CUX2: variants seen among roughly 807,000 people sequenced by gnomAD.
The protein encoded by CUX2 is homeobox protein cut-like 2.
CUX2 carries 40 observed loss-of-function variants against 144.8 expected under a neutral mutation model. The observed-to-expected ratio is 0.28, with a 90% CI of 0.21 to 0.36. The LOEUF (loss-of-function observed/expected upper bound fraction) is 0.36, where lower values mean the gene tolerates loss of function less well. Ranked by LOEUF, CUX2 falls within the 10% of genes least tolerant of loss-of-function variation. The pLI, the probability that CUX2 is intolerant of heterozygous loss-of-function variation, is 1.00. For missense variants in CUX2, 1,615 were observed against 1,994.0 expected, an observed-to-expected ratio of 0.81 and a Z score of 3.62; for synonymous variants, 827 against 875.6, an observed-to-expected ratio of 0.94 and a Z score of 0.98.
chr12:111,255,944 G>T lies in CUX2; in HGVS notation c.223-7817G>T, dbSNP rs1242343203. Among the ~76,000 whole-genome samples the T allele has an allele frequency of 6.6e-6, 1 of 152,004 alleles. No individual in the cohort carries two copies. The highest frequency in any genetic ancestry group is 1.5e-5 in the Non-Finnish European group (1 of 68,006). On this transcript the variant is annotated intron_variant, in intron 3 of 21. Transcript: ENST00000261726. The surrounding 1 kb of genome is among the most constrained non-coding windows in gnomAD (Gnocchi z 4.1). Reference sequence around the variant, plus strand: ...GTCTAGCCAGACCTCCCCACATGTGGGTCTCCCTGAGTACCTTTACAGCCT... The same window carrying T: ...GTCTAGCCAGACCTCCCCACATGTGTGTCTCCCTGAGTACCTTTACAGCCT...
At chr12:111,303,331 C>T (rs1489011549) in intron 9 of CUX2, among the ~76,000 whole-genome samples, 1 of 151,350 alleles carries the variant, frequency 6.6e-6, no homozygotes, top group Non-Finnish European at 1.5e-5. Flanking sequence ...TTTCATTGCT[C>T]CCCATTTCAA....
chr12:111,254,626 G>T (rs192643328), intron 3 of CUX2, among the ~76,000 whole-genome samples: 13 of 152,274 alleles, frequency 8.5e-5, no homozygotes, highest in Admixed American at 7.8e-4. Flanking sequence ...ACTGACACTT[G>T]AGGGTCCAAA....
rs147279984 is a variant in CUX2, at chr12:111,237,353, A to C, written c.222+19416A>C. ...TTTTCCTCCTCTAAGCCCCCTGGCAAATCCTCAATTGTCCTTCAAGACTCC... is the reference window on the plus strand; with the variant it reads ...TTTTCCTCCTCTAAGCCCCCTGGCACATCCTCAATTGTCCTTCAAGACTCC... On this transcript the variant is annotated intron_variant, in intron 3 of 21. Transcript: ENST00000261726. Among the ~76,000 whole-genome samples the C allele has an allele frequency of 1.0e-3, 157 of 152,202 alleles. 3 individuals carry two copies. Among genetic ancestry groups the C allele is most frequent in the African/African-American group, 3.7e-3 (154 of 41,520 alleles).
intron 1 of CUX2, among the ~76,000 whole-genome samples, chr12:111,060,865 G>T (rs1870737089): frequency 6.6e-6 from 1 of 152,204 alleles, no homozygotes; most frequent in African/African-American, 2.4e-5. Context: ...GGAAGCCTTA[G>T]CCCCCTCTTC....
Position 111,178,812 on chromosome 12 carries a change from C to T in CUX2, c.64-35388C>T, listed in dbSNP as rs1878999546. On this transcript the variant is annotated intron_variant, in intron 1 of 21. Transcript: ENST00000261726. This position sits in a 1 kb window ranked among gnomAD's most constrained non-coding sequence, Gnocchi z 5.7. ...GATGGAAGCGCAGGGGCCGTGGGGG[C>T]TTGGGGATGTCCTGTGGTGGTGATA... Among the ~76,000 whole-genome samples, 1 of 152,008 alleles carries T rather than the reference C, an allele frequency of 6.6e-6. No individual in the cohort carries two copies. The highest frequency in any genetic ancestry group is 1.5e-5 in the Non-Finnish European group (1 of 68,016).
In CUX2 at chr12:111,293,353, ACAAT is replaced by A; in HGVS notation, c.437-88_437-85del. On this transcript the variant is annotated intron_variant, in intron 5 of 21. Transcript: ENST00000261726. The surrounding 1 kb of genome is among the most constrained non-coding windows in gnomAD (Gnocchi z 4.5). The stretch of plus-strand genomic sequence containing the variant: ...AAGGCCCAAGTTTGGGAAATTGATC[ACAAT>A]CAATGATCGATCCGGTTTACAGAAA... The A allele has an allele frequency of 6.8e-7, 1 of 1,471,464 alleles. No individual in the cohort carries two copies. Among genetic ancestry groups the A allele is most frequent in the East Asian group, 2.4e-5 (1 of 41,164 alleles). The allele number at this position is 1,471,464 out of a possible 1,614,324, so 91.2% of individuals were successfully genotyped here.
At chr12:111,240,657 C>T (rs1882977364) in intron 3 of CUX2, among the ~76,000 whole-genome samples, 1 of 152,172 alleles carries the variant, frequency 6.6e-6, no homozygotes, top group African/African-American at 2.4e-5. Flanking sequence ...CTCATCCACC[C>T]TCATGTCACT....
chr12:111,152,420 G>A lies in CUX2; in HGVS notation c.64-61780G>A, dbSNP rs141497362. Among the ~76,000 whole-genome samples, 152 of 152,290 alleles carry A rather than the reference G, an allele frequency of 1.0e-3. 1 individual carries two copies. In the East Asian group the frequency reaches 0.011, roughly 11 times the overall value. On this transcript the variant is annotated intron_variant, in intron 1 of 21. Coordinates refer to ENST00000261726, the MANE Select transcript of CUX2 (RefSeq NM_015267.4). ...CTCAGCTCTCAGGGCAAACTGGAGC[G>A]CCTATGGCTCATCTAAAGGGACAGT... is the stretch of plus-strand genomic sequence containing the variant.
intron 4 of CUX2, among the ~76,000 whole-genome samples, chr12:111,285,029 C>T (rs926012649): frequency 2.6e-5 from 4 of 152,176 alleles, no homozygotes; most frequent in Admixed American, 2.0e-4. Context: ...CCTGTGACGA[C>T]GTCCGGGAAA....
intron 1 of CUX2, among the ~76,000 whole-genome samples, chr12:111,172,597 T>C (rs1224412421): frequency 6.6e-6 from 1 of 152,270 alleles, no homozygotes; most frequent in African/African-American, 2.4e-5. Context: ...CAGCCAGCGC[T>C]TTCCACTCTG....
chr12:111,099,599 G>A (rs1873075928), intron 1 of CUX2: 1 of 456,754 alleles, frequency 2.2e-6, no homozygotes. Context: ...GCCCTCACAT[G>A]GGAGAACAGG....
chr12:111,328,975 C>CTCTCTCTCTCTCTCTCTCT (rs1491501890), intron 18 of CUX2, among the ~76,000 whole-genome samples: 81 of 65,630 alleles, frequency 1.2e-3, no homozygotes, highest in African/African-American at 1.9e-3. Context: ...CTCTCTCTCT[C>CTCTCTCTCTCTCTCTCTCT]CCCCTCTCTC....
intron 1 of CUX2, among the ~76,000 whole-genome samples, chr12:111,104,977 G>T (rs1170567426): frequency 1.3e-5 from 2 of 152,204 alleles, no homozygotes; most frequent in African/African-American, 4.8e-5. Flanking sequence ...AGTCTTGGTG[G>T]TTCTACCCGA....
At chr12:111,088,991 A>G (rs1872406072) in intron 1 of CUX2, among the ~76,000 whole-genome samples, 1 of 152,056 alleles carries the variant, frequency 6.6e-6, no homozygotes. Context: ...TCCCCACTCC[A>G]CTAGGTTTGC....
chr12:111,319,901 CAG>C, intron 16 of CUX2, 109 bp from the exon 17 acceptor site: 1 of 1,371,172 alleles, frequency 7.3e-7, no homozygotes, highest in Non-Finnish European at 9.4e-7. Flanking sequence ...TTGCTGGACA[CAG>C]AGGTTGCCTG....
At position 111,347,631 on chromosome 12, in the gene CUX2, C is replaced by T. The variant is rs753498518; in HGVS notation, c.3767C>T (p.Pro1256Leu). The change falls in exon 22 of 22, where the codon CCC becomes CTC. Residue 1256 changes from proline to leucine, a missense_variant. Transcript: ENST00000261726. ...ILPPGHSHPD[P>L]TPQSPDSETE... ...CCGCCAGGCCACTCCCACCCAGACC[C>T]CACCCCGCAGAGCCCTGACTCTGAG... 3.8e-5 allele frequency: 62 copies of T among 1,613,586 alleles called. No individual in the cohort carries two copies. In the East Asian group the frequency reaches 1.3e-3, roughly 34 times the overall value.
Position 111,059,760 on chromosome 12 carries a change from G to A in CUX2, c.63+25520G>A, listed in dbSNP as rs568100042. ...TGCTACCAAGGAGAAGGTGGTCGTG[G>A]GGGGTCCTCAGTCCTGGCTGGGATG... On this transcript the variant is annotated intron_variant, in intron 1 of 21. Coordinates refer to ENST00000261726, the MANE Select transcript of CUX2 (RefSeq NM_015267.4). This position sits in a 1 kb window ranked among gnomAD's most constrained non-coding sequence, Gnocchi z 5.3. Among the ~76,000 whole-genome samples the A allele has an allele frequency of 6.6e-6, 1 of 152,018 alleles. No individual in the cohort carries two copies. Among genetic ancestry groups the A allele is most frequent in the Non-Finnish European group, 1.5e-5 (1 of 67,996 alleles).
At chr12:111,134,732 C>G (rs1831579181) in intron 1 of CUX2, among the ~76,000 whole-genome samples, 1 of 151,784 alleles carries the variant, frequency 6.6e-6, no homozygotes, top group Non-Finnish European at 1.5e-5. Flanking sequence ...CCCAGGGAGA[C>G]CAACTGAATT....
intron 21 of CUX2, among the ~76,000 whole-genome samples, chr12:111,345,602 C>T (rs1313277434): frequency 6.6e-5 from 10 of 151,572 alleles, no homozygotes; most frequent in Admixed American, 2.6e-4. Flanking sequence ...ATTAGCCAGG[C>T]GTGGTGGCGG....
Sources: allele counts gnomAD v4.1 joint callset (sites outside exome capture counted in the v4.1 genomes callset), GRCh38; gene constraint gnomAD v4.1.1; non-coding constraint Gnocchi (gnomAD v3.1); transcripts MANE v1.5; gene names NCBI Gene and HGNC (gene_info 2026-07-23, HGNC 2026-07-21).